Variants in DDX10 observed in about 807,000 individuals in gnomAD.
DDX10 encodes probable ATP-dependent RNA helicase DDX10.
In DDX10, 74 loss-of-function variants were observed where a neutral mutation model predicts 104.3. The ratio of observed to expected loss-of-function variants is 0.71; its 90% CI spans 0.59 to 0.86. The LOEUF (loss-of-function observed/expected upper bound fraction) is 0.86. DDX10 is among the 40% of genes least tolerant of loss of function. The pLI, the probability that DDX10 is intolerant of heterozygous loss-of-function variation, is 0.00. For synonymous variants in DDX10, 351 were observed against 353.4 expected, an observed-to-expected ratio of 0.99 and a Z score of 0.08; for missense variants, 952 against 1,040.0, an observed-to-expected ratio of 0.92 and a Z score of 1.16.
intron 13 of DDX10, among the ~76,000 whole-genome samples, chr11:108,742,726 A>G (rs1374594530): frequency 2.0e-5 from 3 of 152,224 alleles, no homozygotes; most frequent in Non-Finnish European, 4.4e-5. Context: ...CTGACCCTAC[A>G]GAGATACAAA....
chr11:108,935,245 A>G (rs1864022098), intron 17 of DDX10, among the ~76,000 whole-genome samples: 1 of 152,170 alleles, frequency 6.6e-6, no homozygotes, highest in South Asian at 2.1e-4. Context: ...TAGAAAACAG[A>G]AAAGGGAATT....
intron 13 of DDX10, among the ~76,000 whole-genome samples, chr11:108,754,244 CT>C (rs2094341936): frequency 6.6e-6 from 1 of 151,988 alleles, no homozygotes; most frequent in Non-Finnish European, 1.5e-5. Context: ...AAGGCCTAGC[CT>C]TTAATATGAG....
intron 13 of DDX10, among the ~76,000 whole-genome samples, chr11:108,746,596 T>C (rs1403735434): frequency 6.6e-6 from 1 of 152,150 alleles, no homozygotes; most frequent in Non-Finnish European, 1.5e-5. Context: ...ATGGTAAAAC[T>C]TGAACTGTAT....
intron 17 of DDX10, among the ~76,000 whole-genome samples, chr11:108,923,895 G>A (rs1188467012): frequency 6.6e-6 from 1 of 152,216 alleles, no homozygotes; most frequent in Non-Finnish European, 1.5e-5. Context: ...TCTAAAAAGC[G>A]TGGCTTCTAA....
chr11:108,905,603 C>A (rs949555538), intron 16 of DDX10, among the ~76,000 whole-genome samples: 1 of 152,140 alleles, frequency 6.6e-6, no homozygotes, highest in Non-Finnish European at 1.5e-5. Context: ...TCCTCCTGAT[C>A]TATTTTTTGT....
chr11:108,927,301 A>G (rs1863920885), intron 17 of DDX10, among the ~76,000 whole-genome samples: 1 of 152,222 alleles, frequency 6.6e-6, no homozygotes, highest in South Asian at 2.1e-4. Flanking sequence ...TTGTAATTTA[A>G]CACATACAAA....
intron 13 of DDX10, among the ~76,000 whole-genome samples, chr11:108,753,003 G>A (rs2094340514): frequency 6.6e-6 from 1 of 152,058 alleles, no homozygotes; most frequent in Non-Finnish European, 1.5e-5. Context: ...AATTCTGCTA[G>A]CCAAGCTATA....
intron 1 of DDX10, among the ~76,000 whole-genome samples, chr11:108,667,919 A>G (rs1565239839): frequency 6.6e-6 from 1 of 151,982 alleles, no homozygotes; most frequent in African/African-American, 2.4e-5. Flanking sequence ...TTTTAAAAAA[A>G]CTCTCCTACT....
intron 13 of DDX10, among the ~76,000 whole-genome samples, chr11:108,736,406 G>A (rs1331073955): frequency 6.6e-6 from 1 of 152,012 alleles, no homozygotes; most frequent in Non-Finnish European, 1.5e-5. Context: ...CCCTTTCTAT[G>A]CCTCTTGGGT....
chr11:108,695,584 A>G (rs537059004), intron 9 of DDX10, among the ~76,000 whole-genome samples: 22 of 152,268 alleles, frequency 1.4e-4, no homozygotes, highest in African/African-American at 4.3e-4. Context: ...ATTTCTATAC[A>G]TTTATATTTT....
chr11:108,787,900 A>T (rs368495978), intron 13 of DDX10, among the ~76,000 whole-genome samples: 16 of 152,328 alleles, frequency 1.1e-4, no homozygotes, highest in African/African-American at 3.8e-4. Flanking sequence ...ATTGCACTCC[A>T]GCCTGGGCAA....
intron 6 of DDX10, among the ~76,000 whole-genome samples, chr11:108,684,212 CTT>C (rs1447308213): frequency 1.7e-5 from 1 of 60,462 alleles, no homozygotes; most frequent in Non-Finnish European, 3.2e-5. Flanking sequence ...TTATTATACT[CTT>C]AAGTTTTAGG....
At chr11:108,899,295 T>A (rs537196430) in intron 16 of DDX10, among the ~76,000 whole-genome samples, 2 of 152,238 alleles carry the variant, frequency 1.3e-5, no homozygotes, top group East Asian at 3.9e-4. Flanking sequence ...GTGGCATTTC[T>A]TAACATTATA....
At chr11:108,671,410 T>A (rs934561139) in intron 1 of DDX10, among the ~76,000 whole-genome samples, 2 of 152,226 alleles carry the variant, frequency 1.3e-5, no homozygotes, top group South Asian at 2.1e-4. Context: ...GTGATCCGCC[T>A]GCCTTGGCCT....
intron 13 of DDX10, among the ~76,000 whole-genome samples, chr11:108,766,076 A>G (rs1016908791): frequency 6.6e-6 from 1 of 152,160 alleles, no homozygotes; most frequent in African/African-American, 2.4e-5. Context: ...TAGATTTCCC[A>G]TATTATCCAC....
Position 108,693,535 on chromosome 11 carries a change from G to T in DDX10, c.1158G>T (p.Trp386Cys), listed in dbSNP as rs2094255632. Residue 386 changes from tryptophan (W) to cysteine (C), a missense_variant, in exon 9 of 18, where the codon TGG (tryptophan) becomes TGT (cysteine). Physicochemically the swap from Trp to Cys is radical, Grantham distance 215 (BLOSUM62 -2). This residue lies in a region of DDX10 where 412 missense variants were observed against 479.2 expected (regional missense o/e 0.86). Coordinates refer to ENST00000322536, the MANE Select transcript of DDX10 (RefSeq NM_004398.4). ...CTGTAGATTTCCCGGCCGTGAATTG[G>T]GTTCTTCAGTTTGATTGTCCTGAGG... ...ARGLDFPAVN[W>C]VLQFDCPEDA... 1 of 1,613,974 alleles carries T rather than the reference G, an allele frequency of 6.2e-7. No homozygotes were observed. Among genetic ancestry groups the T allele is most frequent in the Admixed American group, 1.7e-5 (1 of 59,994 alleles).
chr11:108,749,685 T>C (rs970828538), intron 13 of DDX10, among the ~76,000 whole-genome samples: 1 of 152,198 alleles, frequency 6.6e-6, no homozygotes, highest in Non-Finnish European at 1.5e-5. Flanking sequence ...TTGAGTAATT[T>C]GTCGTGAAAG....
At chr11:108,672,856 A>G (rs1472594531) in intron 1 of DDX10, among the ~76,000 whole-genome samples, 3 of 152,246 alleles carry the variant, frequency 2.0e-5, no homozygotes, top group Admixed American at 2.0e-4. Flanking sequence ...AAAGTTAGCA[A>G]AATGTTACTT....
chr11:108,785,818 G>T (rs1257257854), intron 13 of DDX10, among the ~76,000 whole-genome samples: 1 of 151,892 alleles, frequency 6.6e-6, no homozygotes, highest in African/African-American at 2.4e-5. Flanking sequence ...TCTGTTTTTT[G>T]TTGTTGTTAA....
Sources: allele counts gnomAD v4.1 joint callset (sites outside exome capture counted in the v4.1 genomes callset), GRCh38; gene constraint gnomAD v4.1.1; regional missense constraint gnomAD v4.1.1; transcripts MANE v1.5; gene names NCBI Gene and HGNC (gene_info 2026-07-23, HGNC 2026-07-21).